The following SRGAP3 variants were observed in gnomAD, a reference collection of about 807,000 sequenced individuals.
SRGAP3 encodes SLIT-ROBO Rho GTPase-activating protein 3.
Under a neutral mutation model 121.1 loss-of-function variants are expected in SRGAP3, and 39 were observed. The ratio of observed to expected loss-of-function variants is 0.32; its 90% confidence interval spans 0.25 to 0.42. The LOEUF (loss-of-function observed/expected upper bound fraction) is 0.42, where lower values mean the gene tolerates loss of function less well. Ranked by LOEUF, SRGAP3 falls within the 10% of genes least tolerant of loss-of-function variation. The pLI is 1.00. For synonymous variants in SRGAP3, 601 were observed against 570.0 expected (o/e 1.05, Z -0.77); for missense variants, 1,213 against 1,470.6 (o/e 0.82, Z 2.86).
intron 1 of SRGAP3, among the ~76,000 whole-genome samples, chr3:9,245,576 G>A (rs1257955501): frequency 6.6e-6 from 1 of 152,122 alleles, no homozygotes; most frequent in Admixed American, 6.5e-5. Context: ...AAAGGGAAAG[G>A]AACTATAGAA....
rs1443859619 is a variant in SRGAP3, at chr3:8,990,828, C to T, written c.2570G>A (p.Arg857Gln). The change falls in exon 21 of 22, where the codon CGA becomes CAA. Residue 857 changes from arginine (R) to glutamine (Q), a missense_variant. Physicochemically the swap from Arg to Gln is conservative, Grantham distance 43. This residue lies in a region of SRGAP3 where 420 missense variants were observed against 437.7 expected (regional missense o/e 0.96). Coordinates refer to ENST00000383836, the MANE Select transcript of SRGAP3 (RefSeq NM_014850.4). Reference sequence around the variant, plus strand: ...TCTGGGGATGGCTGCTCCATCAGATCGTAACCGCACTCTGCAAAGGAGCCA... The same window carrying T: ...TCTGGGGATGGCTGCTCCATCAGATTGTAACCGCACTCTGCAAAGGAGCCA... ...FGGVMGRVRL[R>Q]SDGAAIPRRR... is the part of the protein sequence containing the mutation. 9.1e-6 allele frequency: 14 copies of T among 1,542,574 alleles called. No homozygotes were observed. Among genetic ancestry groups the T allele is most frequent in the South Asian group, 5.0e-5 (4 of 80,314 alleles).
At chr3:9,322,132 C>T (rs886094495) in intron 3 of SRGAP3, among the ~76,000 whole-genome samples, 3 of 151,672 alleles carry the variant, frequency 2.0e-5, no homozygotes, top group African/African-American at 7.2e-5. Flanking sequence ...CTCATTTAGC[C>T]TCTCTGGGCC....
intron 18 of SRGAP3, among the ~76,000 whole-genome samples, chr3:9,006,489 A>G (rs1388510223): frequency 2.7e-5 from 4 of 148,310 alleles, no homozygotes; most frequent in African/African-American, 9.9e-5. Flanking sequence ...TTTTAATACC[A>G]TCAAAAACCT....
intron 6 of SRGAP3, chr3:9,059,156 C>G (rs750741632): frequency 2.6e-5 from 4 of 152,524 alleles, no homozygotes; most frequent in Non-Finnish European, 5.9e-5. Flanking sequence ...TCCAGGGGTC[C>G]ACATTTCCCT....
intron 14 of SRGAP3, chr3:9,015,945 T>TA (rs1438635696): frequency 1.0e-5 from 6 of 593,368 alleles, no homozygotes; most frequent in Non-Finnish European, 1.8e-5. Context: ...GTTGTAAAAA[T>TA]AAAATAATGA....
intron 3 of SRGAP3, among the ~76,000 whole-genome samples, chr3:9,307,614 A>T (rs1955179641): frequency 6.6e-6 from 1 of 152,244 alleles, no homozygotes; most frequent in Non-Finnish European, 1.5e-5. Flanking sequence ...GAGTACTATT[A>T]AAGGTCCTAA....
At chr3:9,096,931 TA>T (rs1272424982) in intron 3 of SRGAP3, among the ~76,000 whole-genome samples, 3 of 106,632 alleles carry the variant, frequency 2.8e-5, no homozygotes, top group African/African-American at 1.1e-4. Context: ...TTTTTTACAT[TA>T]TTTTGTATAT....
intron 5 of SRGAP3, among the ~76,000 whole-genome samples, chr3:9,061,829 T>A (rs1946187683): frequency 1.3e-5 from 2 of 152,306 alleles, no homozygotes; most frequent in South Asian, 4.1e-4. Flanking sequence ...GAGCTGCTCC[T>A]GGCTAAGCCA....
At chr3:9,315,316 A>G (rs1955325618) in intron 3 of SRGAP3, among the ~76,000 whole-genome samples, 1 of 152,166 alleles carries the variant, frequency 6.6e-6, no homozygotes, top group Admixed American at 6.5e-5. Context: ...GAAAAGTCCC[A>G]CTGCATTTCA....
chr3:9,307,120 G>A (rs1197071094), intron 3 of SRGAP3, among the ~76,000 whole-genome samples: 5 of 152,134 alleles, frequency 3.3e-5, no homozygotes, highest in Admixed American at 2.0e-4. Context: ...CTAGAGGCAC[G>A]TGCCATCACG....
Position 9,024,571 on chromosome 3 carries a change from G to A in SRGAP3, c.1678+690C>T, listed in dbSNP as rs546588154. ...ATCTGTTCCTATCAGGGATTCTGAG[G>A]CCCAGAGAGGCTACACCAAATGTAT... On this transcript the variant is annotated intron_variant, in intron 14 of 21. Transcript: ENST00000383836. Among the ~76,000 whole-genome samples the A allele has an allele frequency of 7.2e-5, 11 of 152,246 alleles. No homozygotes were observed. The South Asian group carries it at 2.1e-3, about 29-fold the overall frequency.
intron 1 of SRGAP3, chr3:9,337,549 G>A (rs572750308): frequency 2.6e-5 from 4 of 152,282 alleles, no homozygotes; most frequent in Non-Finnish European, 5.9e-5. Flanking sequence ...AAAAGGATAA[G>A]TTTGGCCCAA....
intron 3 of SRGAP3, among the ~76,000 whole-genome samples, chr3:9,278,300 G>A (rs1954618816): frequency 6.6e-6 from 1 of 152,132 alleles, no homozygotes; most frequent in African/African-American, 2.4e-5. Flanking sequence ...ACTCCCTGGG[G>A]GAAAAGCAAG....
intron 7 of SRGAP3, among the ~76,000 whole-genome samples, chr3:9,057,955 G>T (rs778210599): frequency 2.6e-5 from 4 of 152,322 alleles, no homozygotes; most frequent in East Asian, 3.9e-4. Flanking sequence ...ACCCGCACAT[G>T]TGGGGTTAGA....
At chr3:9,122,278 G>C (rs1431139957) in intron 2 of SRGAP3, among the ~76,000 whole-genome samples, 1 of 152,134 alleles carries the variant, frequency 6.6e-6, no homozygotes, top group Non-Finnish European at 1.5e-5. Context: ...TGTATACAAT[G>C]AGCATTTTAC....
At chr3:9,268,457 C>G (rs1328994444) in intron 3 of SRGAP3, among the ~76,000 whole-genome samples, 3 of 152,084 alleles carry the variant, frequency 2.0e-5, no homozygotes, top group African/African-American at 7.2e-5. Flanking sequence ...CTGAGAGGCT[C>G]CAAAGTTGTA....
intron 3 of SRGAP3, among the ~76,000 whole-genome samples, chr3:9,291,609 C>T (rs1210765057): frequency 6.7e-6 from 1 of 149,132 alleles, no homozygotes; most frequent in East Asian, 1.9e-4. Context: ...ACACCACACA[C>T]ACACACACAC....
chr3:9,281,776 G>A (rs1356409849), intron 3 of SRGAP3, among the ~76,000 whole-genome samples: 3 of 152,014 alleles, frequency 2.0e-5, no homozygotes, highest in African/African-American at 7.3e-5. Context: ...GGGTTCAAGC[G>A]ATTCTCATGC....
At chr3:9,030,319 G>A (rs1055521297) in intron 12 of SRGAP3, among the ~76,000 whole-genome samples, 2 of 152,158 alleles carry the variant, frequency 1.3e-5, no homozygotes, top group Non-Finnish European at 2.9e-5. Flanking sequence ...CTGGGCTGTC[G>A]CTGCTGGGGT....
Sources: gnomAD v4.1 joint callset for allele counts (sites outside exome capture counted in the v4.1 genomes callset) on GRCh38, gnomAD v4.1.1 for gene constraint, gnomAD v4.1.1 regional missense constraint, MANE v1.5 for transcripts, NCBI Gene and HGNC (gene_info 2026-07-23, HGNC 2026-07-21) for gene names.